GBX2: variants seen among roughly 807,000 people sequenced by gnomAD.
GBX2 encodes the protein homeobox protein GBX-2.
In GBX2, 5 loss-of-function variants were observed where a neutral mutation model predicts 22.4. The ratio of observed to expected loss-of-function variants is 0.22; its 90% CI spans 0.12 to 0.47. The LOEUF is 0.47. Ranked by LOEUF, GBX2 falls within the 20% of genes least tolerant of loss-of-function variation. The pLI is 0.99. For missense variants in GBX2, 470 were observed against 495.4 expected, an observed-to-expected ratio of 0.95 and a Z score of 0.49; for synonymous variants, 220 against 230.5, an observed-to-expected ratio of 0.95 and a Z score of 0.41.
Position 236,166,280 on chromosome 2 carries a change from C to A in GBX2, c.681G>T (p.Ala227=). The A allele has an allele frequency of 6.2e-7, 1 of 1,613,800 alleles. No homozygotes were observed. The highest frequency in any genetic ancestry group is 2.2e-5 in the East Asian group (1 of 44,866). ...AAHKEEDPGH[A]LEETPPSSGA... is the part of the protein sequence containing the mutation. ...CGCTGCTCGGCGGGGTCTCCTCCAGCGCGTGGCCCGGGTCTTCCTCCTTGT... is the reference window on the plus strand; with the variant it reads ...CGCTGCTCGGCGGGGTCTCCTCCAGAGCGTGGCCCGGGTCTTCCTCCTTGT... The change falls in exon 2 of 2, where the codon GCG becomes GCT. Residue 227 remains alanine (A), a synonymous_variant. Coordinates refer to ENST00000306318, the MANE Select transcript of GBX2 (RefSeq NM_001485.4). This position sits in a 1 kb window ranked among gnomAD's most constrained non-coding sequence, Gnocchi z 6.6.
At chr2:236,163,886 T>G (rs1020095528), downstream of GBX2, among the ~76,000 whole-genome samples, 1 of 152,050 alleles carries the variant, frequency 6.6e-6, no homozygotes, top group African/African-American at 2.4e-5. Context: ...ATCCCCTCCC[T>G]GCCAGGCTTC....
rs562434786 is a variant in GBX2 at position 236,166,522 on chromosome 2, G to T, written c.524-85C>A. ...TCCCACCGTCATTTGGACATTCCGC[G>T]CCCCCCGCCCCCCACCCTTTAGCGG... On this transcript the variant is annotated intron_variant, in intron 1 of 1. Transcript: ENST00000306318. This position sits in a 1 kb window ranked among gnomAD's most constrained non-coding sequence, Gnocchi z 6.6. 2.6e-6 allele frequency: 3 copies of T among 1,160,392 alleles called. No individual in the cohort carries two copies. Among genetic ancestry groups the T allele is most frequent in the Non-Finnish European group, 2.5e-6 (2 of 802,156 alleles). The allele number at this position is 1,160,392 out of a possible 1,614,324, so 71.9% of individuals were successfully genotyped here.
rs1428367076 is a variant in GBX2, at chr2:236,166,529, GC to G, written c.524-93del. On this transcript the variant is annotated intron_variant, in intron 1 of 1. Transcript: ENST00000306318. The surrounding 1 kb of genome is among the most constrained non-coding windows in gnomAD (Gnocchi z 6.6). ...GTCATTTGGACATTCCGCGCCCCCCGCCCCCCACCCTTTAGCGGATTGTCTT... is the reference window on the plus strand; with the variant it reads ...GTCATTTGGACATTCCGCGCCCCCCGCCCCCACCCTTTAGCGGATTGTCTT... 5.5e-6 allele frequency: 6 copies of G among 1,094,934 alleles called. No individual in the cohort carries two copies. The highest frequency in any genetic ancestry group is 2.4e-5 in the East Asian group (1 of 41,992). 67.8% of individuals were successfully genotyped at this position (1,094,934 alleles called of 1,614,324 possible). A position where few individuals can be genotyped will look rare whatever the true frequency, so the allele number is the denominator to read the frequency against.
chr2:236,167,157 C>A lies in GBX2; in HGVS notation c.523+292G>T, dbSNP rs750768312. On this transcript the variant is annotated intron_variant, in intron 1 of 1. Transcript: ENST00000306318. ...ACCTACCCGGAACCCCAGGTCACCGCGGAGCGGCAGAGGCGGCCTCGGCCA... is the reference window on the plus strand; with the variant it reads ...ACCTACCCGGAACCCCAGGTCACCGAGGAGCGGCAGAGGCGGCCTCGGCCA... 2.6e-6 allele frequency: 4 copies of A among 1,535,504 alleles called. No individual in the cohort carries two copies. In the East Asian group the frequency reaches 9.8e-5, roughly 38 times the overall value.
chr2:236,164,462 G>C (rs1434854245), downstream of GBX2, among the ~76,000 whole-genome samples: 1 of 152,180 alleles, frequency 6.6e-6, no homozygotes, highest in African/African-American at 2.4e-5. Context: ...GCGCAGGGCC[G>C]GGGTTGGGAC....
At position 236,166,556 on chromosome 2, in the gene GBX2, T is replaced by C; in HGVS notation, c.524-119A>G. On this transcript the variant is annotated intron_variant, in intron 1 of 1. Transcript: ENST00000306318. This position sits in a 1 kb window ranked among gnomAD's most constrained non-coding sequence, Gnocchi z 6.6. ...CCCCCACCCTTTAGCGGATTGTCTT[T>C]CTATGACATTAACACATTGTGATTT... 1 of 869,026 alleles carries C rather than the reference T, an allele frequency of 1.2e-6. No homozygotes were observed. The highest frequency in any genetic ancestry group is 1.6e-5 in the South Asian group (1 of 63,400). The allele number at this position is 869,026 out of a possible 1,614,324, so 53.8% of individuals were successfully genotyped here.
At chr2:236,167,100 C>G in intron 1 of GBX2, 1 of 1,526,858 alleles carries the variant, frequency 6.5e-7, no homozygotes. Context: ...GGCTGAGACG[C>G]GCAGCCCAAC....
At chr2:236,167,180 C>A in intron 1 of GBX2, 1 of 1,535,570 alleles carries the variant, frequency 6.5e-7, no homozygotes, top group Non-Finnish European at 8.7e-7. Flanking sequence ...GCGGCCTCGG[C>A]CAAACGCATC....
At chr2:236,163,620 C>T (rs1332609104), downstream of GBX2, among the ~76,000 whole-genome samples, 1 of 152,194 alleles carries the variant, frequency 6.6e-6, no homozygotes, top group African/African-American at 2.4e-5. Flanking sequence ...ACCCGCAGGG[C>T]CGGCGGGGCA....
chr2:236,167,519 G>A lies in GBX2; in HGVS notation c.453C>T (p.Gly151=). Reference sequence around the variant, plus strand: ...AGCCCTCTTTGGCCAGGAAGCCTTTGCCGTCCTCCGCGTCAGCCTGCAGCG... The same window carrying A: ...AGCCCTCTTTGGCCAGGAAGCCTTTACCGTCCTCCGCGTCAGCCTGCAGCG... ...AEALQADAED[G]KGFLAKEGSL... is the part of the protein sequence containing the mutation. The change falls in exon 1 of 2, where the codon GGC becomes GGT. Residue 151 remains glycine, a synonymous_variant. Coordinates refer to ENST00000306318, the MANE Select transcript of GBX2 (RefSeq NM_001485.4). 6.3e-7 allele frequency: 1 copy of A among 1,594,856 alleles called. No individual in the cohort carries two copies. Among genetic ancestry groups the A allele is most frequent in the Non-Finnish European group, 8.5e-7 (1 of 1,174,386 alleles).
downstream of GBX2, among the ~76,000 whole-genome samples, chr2:236,164,414 G>A (rs1012200726): frequency 3.1e-4 from 47 of 152,170 alleles, no homozygotes; most frequent in African/African-American, 1.1e-3. Context: ...ATCTGGCGGC[G>A]CGCTTCGGGG....
In GBX2 at chr2:236,166,363, A is replaced by G. The variant is rs148159384; in HGVS notation, c.598T>C (p.Ser200Pro). Residue 200 changes from serine to proline, a missense_variant, in exon 2 of 2, where the codon TCG (serine) becomes CCG (proline). Transcript: ENST00000306318. The surrounding 1 kb of genome is among the most constrained non-coding windows in gnomAD (Gnocchi z 6.6). ...CTGTAGTCCACATCGCTCTCCAGCG[A>G]GAAGCTCTCCTCCTTGCCCTTCGGG... is the stretch of plus-strand genomic sequence containing the variant. ...DDPKGKEESFSLESDVDYSSD... is the reference protein window; with the variant it reads ...DDPKGKEESFPLESDVDYSSD... 1.2e-6 allele frequency: 2 copies of G among 1,613,974 alleles called. No individual in the cohort carries two copies. The highest frequency in any genetic ancestry group is 2.7e-5 in the African/African-American group (2 of 74,944).
intron 1 of GBX2, 140 bp downstream of exon 1, chr2:236,167,309 G>C (rs1483410034): frequency 1.4e-6 from 2 of 1,388,474 alleles, no homozygotes; most frequent in Non-Finnish European, 2.0e-6. Context: ...CGGCACAGCC[G>C]GGCCTCATCC....
rs2060245844 is a variant in GBX2 at position 236,167,331 on chromosome 2, C to T, written c.523+118G>A. The T allele has an allele frequency of 2.2e-6, 3 of 1,378,662 alleles. No homozygotes were observed. In the African/African-American group the frequency reaches 4.4e-5, roughly 20 times the overall value. The allele number at this position is 1,378,662 out of a possible 1,614,324, so 85.4% of individuals were successfully genotyped here. A position where few individuals can be genotyped will look rare whatever the true frequency, so the allele number is the denominator to read the frequency against. On this transcript the variant is annotated intron_variant, in intron 1 of 1. Transcript: ENST00000306318. ...GCCGGGCCTCATCCTCCAGCTCCTC[C>T]CGCGGGGGTCGAGCGGGGGCGCGGC...
Position 236,165,249 on chromosome 2 carries a change from C to T in GBX2, c.*665G>A, listed in dbSNP as rs1222702322. ...GAGGCCCAGGGATTGGTCTTTTTCC[C>T]CCCCTCTCTCCTTTTTATTATTCAC... is the stretch of plus-strand genomic sequence containing the variant. On this transcript the variant is annotated 3_prime_UTR_variant, in exon 2 of 2. Coordinates refer to ENST00000306318, the MANE Select transcript of GBX2 (RefSeq NM_001485.4). 1 of 151,820 alleles carries T rather than the reference C, an allele frequency of 6.6e-6. No homozygotes were observed. Among genetic ancestry groups the T allele is most frequent in the East Asian group, 1.9e-4 (1 of 5,188 alleles). 9.4% of individuals were successfully genotyped at this position (151,820 alleles called of 1,614,324 possible).
Position 236,166,798 on chromosome 2 carries a change from G to A in GBX2, c.524-361C>T, listed in dbSNP as rs1217930120. On this transcript the variant is annotated intron_variant, in intron 1 of 1. Transcript: ENST00000306318. The surrounding 1 kb of genome is among the most constrained non-coding windows in gnomAD (Gnocchi z 6.6). ...TGTCCCTGGGGTGGGGACTGGTTGA[G>A]GACTGATGGGGGGATTCACGATTCA... 6.6e-6 allele frequency among the ~76,000 whole-genome samples: 1 copy of A among 152,122 alleles called. No individual in the cohort carries two copies. The highest frequency in any genetic ancestry group is 1.5e-5 in the Non-Finnish European group (1 of 68,028).
chr2:236,166,268 G>T lies in GBX2; in HGVS notation c.693C>A (p.Thr231=), dbSNP rs756011584. The part of the protein sequence containing the change: ...EEDPGHALEE[T]PPSSGAAGST... ...TGCCCGCGGCGCCGCTGCTCGGCGG[G>T]GTCTCCTCCAGCGCGTGGCCCGGGT... Residue 231 remains threonine, a synonymous_variant, in exon 2 of 2, where the codon ACC becomes ACA. Transcript: ENST00000306318. This position sits in a 1 kb window ranked among gnomAD's most constrained non-coding sequence, Gnocchi z 6.6. 8 of 1,613,548 alleles carry T rather than the reference G, an allele frequency of 5.0e-6. No individual in the cohort carries two copies. Among genetic ancestry groups the T allele is most frequent in the Non-Finnish European group, 4.2e-6 (5 of 1,179,982 alleles).
chr2:236,161,953 G>A (rs749717873), downstream of GBX2, among the ~76,000 whole-genome samples: 4 of 152,226 alleles, frequency 2.6e-5, no homozygotes, highest in South Asian at 2.1e-4. Flanking sequence ...GGTCACTCCC[G>A]GCTTTCAGTG....
At chr2:236,163,791 C>T (rs1392332956), downstream of GBX2, among the ~76,000 whole-genome samples, 2 of 152,044 alleles carry the variant, frequency 1.3e-5, no homozygotes, top group Non-Finnish European at 2.9e-5. Flanking sequence ...CAGGCGCTCA[C>T]CGGCAACCTG....
Sources: gnomAD v4.1 joint callset for allele counts (sites outside exome capture counted in the v4.1 genomes callset) on GRCh38, gnomAD v4.1.1 for gene constraint, Gnocchi (gnomAD v3.1) non-coding constraint, MANE v1.5 for transcripts, NCBI Gene and HGNC (gene_info 2026-07-23, HGNC 2026-07-21) for gene names.